Variants in PRMT8 observed in about 807,000 individuals in gnomAD.
PRMT8 encodes protein arginine methyltransferase 8, also known as protein arginine N-methyltransferase 8.
In PRMT8, 7 loss-of-function variants were observed where a neutral mutation model predicts 47.1. The ratio of observed to expected loss-of-function variants is 0.15; its 90% CI spans 0.08 to 0.28. The LOEUF (loss-of-function observed/expected upper bound fraction) is 0.28. Ranked by LOEUF, PRMT8 falls within the 10% of genes least tolerant of loss-of-function variation. The probability of loss-of-function intolerance (pLI) is 1.00; values close to 1 mark genes in which losing one functional copy is unlikely to be tolerated. For synonymous variants in PRMT8, 188 were observed against 186.5 expected (o/e 1.01, Z -0.07); for missense variants, 237 against 505.4 (o/e 0.47, Z 5.09).
intron 1 of PRMT8, among the ~76,000 whole-genome samples, chr12:3,512,892 A>T (rs113017613): frequency 0.023 from 3,505 of 152,296 alleles, 140 homozygotes; most frequent in African/African-American, 0.079. Flanking sequence ...ACCAGGCATC[A>T]CCATTCTTCA....
chr12:3,553,201 G>A (rs1413707094), intron 3 of PRMT8: 4 of 216,540 alleles, frequency 1.8e-5, no homozygotes, highest in African/African-American at 4.6e-5. Context: ...TTTCCAGATG[G>A]TCCCATCCTG....
intron 1 of PRMT8, among the ~76,000 whole-genome samples, chr12:3,407,540 A>C (rs977465586): frequency 5.9e-5 from 9 of 152,082 alleles, no homozygotes; most frequent in Non-Finnish European, 1.2e-4. Flanking sequence ...GCTGCTTTTA[A>C]AATGCTCTCT....
chr12:3,578,320 G>A (rs916483189), intron 7 of PRMT8, among the ~76,000 whole-genome samples: 1 of 152,120 alleles, frequency 6.6e-6, no homozygotes, highest in African/African-American at 2.4e-5. Context: ...CCTCACTGAG[G>A]CTCAGGTGAT....
intron 1 of PRMT8, among the ~76,000 whole-genome samples, chr12:3,393,656 C>A (rs1864218352): frequency 6.7e-6 from 1 of 149,154 alleles, no homozygotes; most frequent in African/African-American, 2.5e-5. Flanking sequence ...GTGATGCCTC[C>A]AGCTTTGTTC....
rs1864980464 is a variant in PRMT8 at position 3,456,948 on chromosome 12, G to C, written c.48+75506G>C. Among the ~76,000 whole-genome samples, 1 of 152,164 alleles carries C rather than the reference G, an allele frequency of 6.6e-6. No homozygotes were observed. The highest frequency in any genetic ancestry group is 2.4e-5 in the African/African-American group (1 of 41,446). Reference sequence around the variant, plus strand: ...TCCTAGCCGTGTTAAGGGGGTGGGGGCTCTGGCCTCGCTGACCTCGCCTGC... The same window carrying C: ...TCCTAGCCGTGTTAAGGGGGTGGGGCCTCTGGCCTCGCTGACCTCGCCTGC... On this transcript the variant is annotated intron_variant, in intron 1 of 9. Transcript: ENST00000452611. The surrounding 1 kb of genome is among the most constrained non-coding windows in gnomAD (Gnocchi z 4.2).
At chr12:3,589,997 A>T (rs1048151183) in intron 8 of PRMT8, among the ~76,000 whole-genome samples, 1 of 152,218 alleles carries the variant, frequency 6.6e-6, no homozygotes, top group Non-Finnish European at 1.5e-5. Flanking sequence ...ATAACCAGGA[A>T]CTATCTTTTG....
chr12:3,590,813 C>A (rs946612965), intron 8 of PRMT8, among the ~76,000 whole-genome samples: 1 of 152,128 alleles, frequency 6.6e-6, no homozygotes, highest in Non-Finnish European at 1.5e-5. Context: ...TCTTTGGGTT[C>A]TTACCATCAT....
At chr12:3,563,180 G>A (rs1021142485) in intron 4 of PRMT8, among the ~76,000 whole-genome samples, 1 of 152,072 alleles carries the variant, frequency 6.6e-6, no homozygotes, top group Non-Finnish European at 1.5e-5. Flanking sequence ...GCCTAAGGGA[G>A]GAGAGAAACC....
At chr12:3,398,444 G>A (rs1162882509) in intron 1 of PRMT8, among the ~76,000 whole-genome samples, 5 of 152,206 alleles carry the variant, frequency 3.3e-5, no homozygotes, top group African/African-American at 1.2e-4. Context: ...AATTTAGTGT[G>A]TAGAAATACT....
At chr12:3,398,750 T>G (rs930484629) in intron 1 of PRMT8, among the ~76,000 whole-genome samples, 1 of 152,210 alleles carries the variant, frequency 6.6e-6, no homozygotes, top group African/African-American at 2.4e-5. Flanking sequence ...CTGGGTGGCA[T>G]GTAGCTCCAT....
At chr12:3,440,324 TG>T (rs1288999661) in intron 1 of PRMT8, among the ~76,000 whole-genome samples, 5 of 152,132 alleles carry the variant, frequency 3.3e-5, no homozygotes, top group African/African-American at 1.2e-4. Context: ...TAGCCAGGCA[TG>T]GCAGCACGCG....
At chr12:3,416,353 C>G (rs528438928) in intron 1 of PRMT8, among the ~76,000 whole-genome samples, 30 of 152,328 alleles carry the variant, frequency 2.0e-4, no homozygotes, top group Middle Eastern at 3.4e-3. Context: ...GCTAGTGGAG[C>G]CCAAGTGTCT....
Position 3,589,394 on chromosome 12 carries a change from G to A in PRMT8, c.980-2837G>A, listed in dbSNP as rs544295768. On this transcript the variant is annotated intron_variant, in intron 8 of 9. Transcript: ENST00000382622. ...TGGAAAAGGAGCCCCAGGTCACATCGCATGTCAGTGGCAAAGTGGACACTG... is the reference window on the plus strand; with the variant it reads ...TGGAAAAGGAGCCCCAGGTCACATCACATGTCAGTGGCAAAGTGGACACTG... Among the ~76,000 whole-genome samples the A allele has an allele frequency of 3.4e-4, 52 of 152,190 alleles. 1 individual carries two copies. Among genetic ancestry groups the A allele is most frequent in the South Asian group, 8.3e-4 (4 of 4,812 alleles).
At chr12:3,484,262 A>G (rs1402433606) in intron 1 of PRMT8, among the ~76,000 whole-genome samples, 2 of 152,188 alleles carry the variant, frequency 1.3e-5, no homozygotes, top group African/African-American at 4.8e-5. Flanking sequence ...GGTGGTTAGC[A>G]TCATAATCCA....
At position 3,492,076 on chromosome 12, in the gene PRMT8, C is replaced by CG. The variant is rs1865423655; in HGVS notation, c.75+378dup. On this transcript the variant is annotated intron_variant, in intron 1 of 9. Coordinates refer to ENST00000382622, the MANE Select transcript of PRMT8 (RefSeq NM_019854.5). This position sits in a 1 kb window ranked among gnomAD's most constrained non-coding sequence, Gnocchi z 7.5. ...GGGCTCCGTGAGGGCTCCCGGGTCC[C>CG]GGCTTTGTGCAGAGCTGGGGTGGGT... Among the ~76,000 whole-genome samples, 1 of 151,986 alleles carries CG rather than the reference C, an allele frequency of 6.6e-6. No individual in the cohort carries two copies. The highest frequency in any genetic ancestry group is 6.5e-5 in the Admixed American group (1 of 15,268).
rs1378694928 is a variant in PRMT8, at chr12:3,535,151, C to T, written c.76-5455C>T. ...CCTGCTTGTGGAAATCCGACCCACC[C>T]TTCAAGGACGAGCTCACAAGCTCAC... On this transcript the variant is annotated intron_variant, in intron 1 of 9. Transcript: ENST00000382622. The surrounding 1 kb of genome is among the most constrained non-coding windows in gnomAD (Gnocchi z 4.7). Among the ~76,000 whole-genome samples, 1 of 152,204 alleles carries T rather than the reference C, an allele frequency of 6.6e-6. No homozygotes were observed. Among genetic ancestry groups the T allele is most frequent in the Admixed American group, 6.5e-5 (1 of 15,280 alleles).
chr12:3,431,494 A>G (rs958262275), intron 1 of PRMT8, among the ~76,000 whole-genome samples: 1 of 152,032 alleles, frequency 6.6e-6, no homozygotes, highest in Non-Finnish European at 1.5e-5. Flanking sequence ...AAGGAGTCAG[A>G]GGGGGAAGAG....
chr12:3,487,936 G>T (rs1865337285), upstream of PRMT8, among the ~76,000 whole-genome samples: 2 of 152,146 alleles, frequency 1.3e-5, no homozygotes, highest in Non-Finnish European at 2.9e-5. Flanking sequence ...CATACTCTCT[G>T]GGGGTAGAAC....
chr12:3,429,267 C>G (rs1437530867), intron 1 of PRMT8, among the ~76,000 whole-genome samples: 1 of 152,180 alleles, frequency 6.6e-6, no homozygotes, highest in Non-Finnish European at 1.5e-5. Context: ...TTCAGGCTTC[C>G]TTCTGATGGC....
Sources: gnomAD v4.1 joint callset for allele counts (sites outside exome capture counted in the v4.1 genomes callset) on GRCh38, gnomAD v4.1.1 for gene constraint, Gnocchi (gnomAD v3.1) non-coding constraint, MANE v1.5 for transcripts, NCBI Gene and HGNC (gene_info 2026-07-23, HGNC 2026-07-21) for gene names.